The following C2CD2 variants were observed in gnomAD, a reference collection of about 807,000 sequenced individuals.
C2CD2 encodes C2 domain-containing protein 2.
Under a neutral mutation model 74.3 loss-of-function variants are expected in C2CD2, and 43 were observed. The ratio of observed to expected loss-of-function variants is 0.58; its 90% confidence interval spans 0.45 to 0.75. The LOEUF (loss-of-function observed/expected upper bound fraction) is 0.75, where lower values mean the gene tolerates loss of function less well. C2CD2 is among the 30% of genes least tolerant of loss of function. The probability of loss-of-function intolerance (pLI) is 0.00; values close to 1 mark genes in which losing one functional copy is unlikely to be tolerated. For missense variants in C2CD2, 801 were observed against 916.3 expected, an observed-to-expected ratio of 0.87 and a Z score of 1.63; for synonymous variants, 422 against 390.7, an observed-to-expected ratio of 1.08 and a Z score of -0.94.
chr21:41,951,756 G>A (rs1281027772), intron 1 of C2CD2, among the ~76,000 whole-genome samples: 1 of 152,228 alleles, frequency 6.6e-6, no homozygotes, highest in African/African-American at 2.4e-5. Context: ...AGTCAGATGG[G>A]AATATGGAAG....
intron 1 of C2CD2, among the ~76,000 whole-genome samples, chr21:41,950,902 G>A (rs886866180): frequency 6.6e-6 from 1 of 152,198 alleles, no homozygotes; most frequent in Non-Finnish European, 1.5e-5. Flanking sequence ...CTAAGCGACA[G>A]GCCAAGAACT....
At chr21:41,934,037 T>C (rs1045249155) in intron 2 of C2CD2, among the ~76,000 whole-genome samples, 4 of 151,864 alleles carry the variant, frequency 2.6e-5, no homozygotes, top group African/African-American at 9.7e-5. Flanking sequence ...CAGCAGGAGA[T>C]AGATGGTTAA....
rs914344047 is a variant in C2CD2 at position 41,926,105 on chromosome 21, G to A, written c.379-4020C>T. ...GTGACAGTGAACTCCTCAGAGGACA[G>A]GAGTGAACCCCCAGCCCCAGGGAAG... On this transcript the variant is annotated intron_variant, in intron 2 of 13. Transcript: ENST00000380486. This position sits in a 1 kb window ranked among gnomAD's most constrained non-coding sequence, Gnocchi z 8.0. Among the ~76,000 whole-genome samples, 1 of 152,200 alleles carries A rather than the reference G, an allele frequency of 6.6e-6. No homozygotes were observed. The highest frequency in any genetic ancestry group is 2.4e-5 in the African/African-American group (1 of 41,452).
rs1373732662 is a variant in C2CD2, at chr21:41,888,363, G to A, written c.*761C>T. 1 of 152,516 alleles carries A rather than the reference G, an allele frequency of 6.6e-6. No homozygotes were observed. Among genetic ancestry groups the A allele is most frequent in the Non-Finnish European group, 1.5e-5 (1 of 68,038 alleles). The allele number at this position is 152,516 out of a possible 1,614,324, so 9.4% of individuals were successfully genotyped here. On this transcript the variant is annotated 3_prime_UTR_variant, in exon 14 of 14. Coordinates refer to ENST00000380486, the MANE Select transcript of C2CD2 (RefSeq NM_015500.2). The stretch of plus-strand genomic sequence containing the variant: ...ACCCTGGATGTCAACTGCTCCACTA[G>A]CATTATTAGAGCTTTTAACACGATA...
At chr21:41,947,089 T>C (rs1383395446) in intron 1 of C2CD2, among the ~76,000 whole-genome samples, 1 of 147,590 alleles carries the variant, frequency 6.8e-6, no homozygotes. Flanking sequence ...AATTTCTTTT[T>C]CTTTCTTTCT....
At chr21:41,905,364 T>C (rs372018068) in intron 11 of C2CD2, among the ~76,000 whole-genome samples, 2 of 147,564 alleles carry the variant, frequency 1.4e-5, no homozygotes, top group East Asian at 3.9e-4. Context: ...GTCACCCAGG[T>C]TGGAGTGCAG....
At position 41,885,749 on chromosome 21, in the gene C2CD2, T is replaced by A. The variant is rs2064676495; in HGVS notation, c.*3375A>T. The A allele has an allele frequency of 1.3e-5, 2 of 152,446 alleles. No individual in the cohort carries two copies. The highest frequency in any genetic ancestry group is 4.8e-5 in the African/African-American group (2 of 41,454). The allele number at this position is 152,446 out of a possible 1,614,324, so 9.4% of individuals were successfully genotyped here. ...TTCGGTGGCCAGCAGTGTAAATTAA[T>A]CTTTCCCTCTCTGCTCAAAGCAACT... On this transcript the variant is annotated 3_prime_UTR_variant, in exon 14 of 14. Transcript: ENST00000380486.
chr21:41,946,471 C>T (rs2065398503), intron 1 of C2CD2, among the ~76,000 whole-genome samples: 1 of 152,106 alleles, frequency 6.6e-6, no homozygotes, highest in African/African-American at 2.4e-5. Flanking sequence ...GTGTGTAGCA[C>T]CTCCCGCCTC....
intron 2 of C2CD2, among the ~76,000 whole-genome samples, chr21:41,940,224 G>A (rs2065343542): frequency 1.3e-5 from 2 of 152,156 alleles, no homozygotes; most frequent in African/African-American, 4.8e-5. Context: ...TCCAGCAACA[G>A]GAGATGGGTA....
At chr21:41,951,054 G>A (rs907431055) in intron 1 of C2CD2, among the ~76,000 whole-genome samples, 4 of 152,032 alleles carry the variant, frequency 2.6e-5, no homozygotes, top group Non-Finnish European at 4.4e-5. Flanking sequence ...GGTGGGGGAG[G>A]GCAGCCACGA....
chr21:41,914,380 T>C (rs1816043044), intron 6 of C2CD2, among the ~76,000 whole-genome samples: 1 of 152,160 alleles, frequency 6.6e-6, no homozygotes, highest in African/African-American at 2.4e-5. Flanking sequence ...TTATACTCCT[T>C]TCCCTCCTTG....
intron 9 of C2CD2, 127 bp from the exon 10 acceptor site, chr21:41,907,293 C>G (rs2064974695): frequency 1.3e-6 from 1 of 764,286 alleles, no homozygotes; most frequent in Non-Finnish European, 2.2e-6. Flanking sequence ...CACTTAGCAT[C>G]TCCAATTAAC....
chr21:41,921,630 G>A (rs950437928), intron 3 of C2CD2, among the ~76,000 whole-genome samples: 1 of 152,158 alleles, frequency 6.6e-6, no homozygotes, highest in Non-Finnish European at 1.5e-5. Context: ...TGCAACCAGC[G>A]CTGGATTCGG....
At position 41,914,287 on chromosome 21, in the gene C2CD2, C is replaced by A. The variant is rs529516780; in HGVS notation, c.844+311G>T. Among the ~76,000 whole-genome samples the A allele has an allele frequency of 3.3e-4, 35 of 107,600 alleles. 1 individual carries two copies. The East Asian group carries it at 4.7e-3, about 14-fold the overall frequency. The allele number at this position is 107,600 out of a possible 152,430, so 70.6% of individuals were successfully genotyped here. On this transcript the variant is annotated intron_variant, in intron 6 of 13. Transcript: ENST00000380486. Reference sequence around the variant, plus strand: ...GATGCTTAACACATACATACAGGTTCAACAGTTAAAAAAAAAAAAAAAAAG... The same window carrying A: ...GATGCTTAACACATACATACAGGTTAAACAGTTAAAAAAAAAAAAAAAAAG...
intron 13 of C2CD2, chr21:41,894,635 G>A (rs949500851): frequency 8.8e-6 from 4 of 455,846 alleles, no homozygotes; most frequent in Non-Finnish European, 1.8e-5. Context: ...AAGGACTCGG[G>A]CGGGATTCCC....
intron 7 of C2CD2, among the ~76,000 whole-genome samples, chr21:41,911,670 G>A (rs1368880633): frequency 6.6e-6 from 1 of 151,396 alleles, no homozygotes; most frequent in African/African-American, 2.4e-5. Context: ...TTACATGTGT[G>A]AGCTACTGTT....
chr21:41,890,300 T>C (rs1190828126), intron 13 of C2CD2, among the ~76,000 whole-genome samples: 1 of 152,202 alleles, frequency 6.6e-6, no homozygotes, highest in South Asian at 2.1e-4. Context: ...TGCTTACAGA[T>C]AGATACAGAT....
intron 1 of C2CD2, among the ~76,000 whole-genome samples, chr21:41,948,774 C>T (rs772119076): frequency 1.4e-4 from 21 of 150,378 alleles, no homozygotes; most frequent in Non-Finnish European, 3.0e-4. Flanking sequence ...AATGCAAAGA[C>T]TCTGAAGTCT....
At position 41,907,133 on chromosome 21, in the gene C2CD2, A is replaced by G; in HGVS notation, c.1177T>C (p.Trp393Arg). ...GCAGGAACAGGGGGAGGGATGGGCC[A>G]GGATTTCAATTCACCAGGTTCCATG... The part of the protein sequence containing the change: ...SYMEPGELKS[W>R]PIPPPVPAAK... Residue 393 changes from tryptophan (W) to arginine (R), a missense_variant, in exon 10 of 14, where the codon TGG (tryptophan) becomes CGG (arginine). Transcript: ENST00000380486. 6.2e-7 allele frequency: 1 copy of G among 1,614,174 alleles called. No homozygotes were observed.
Sources: gnomAD v4.1 joint callset for allele counts (sites outside exome capture counted in the v4.1 genomes callset) on GRCh38, gnomAD v4.1.1 for gene constraint, Gnocchi (gnomAD v3.1) non-coding constraint, MANE v1.5 for transcripts, NCBI Gene and HGNC (gene_info 2026-07-23, HGNC 2026-07-21) for gene names.